The following AVEN variants were observed in gnomAD, a reference collection of about 807,000 sequenced individuals.
AVEN encodes apoptosis and caspase activation inhibitor.
Under a neutral mutation model 38.1 loss-of-function variants are expected in AVEN, and 41 were observed. The observed-to-expected ratio is 1.08, with a 90% CI of 0.84 to 1.40. The LOEUF (loss-of-function observed/expected upper bound fraction) is 1.40, where lower values mean the gene tolerates loss of function less well. Ranked by LOEUF, AVEN falls within the 40% of genes most tolerant of loss-of-function variation. The pLI, the probability that AVEN is intolerant of heterozygous loss-of-function variation, is 0.00. For synonymous variants in AVEN, 206 were observed against 171.8 expected (o/e 1.20, Z -1.56); for missense variants, 605 against 438.8 (o/e 1.38, Z -3.38).
At chr15:33,903,063 C>T (rs965651523) in intron 2 of AVEN, among the ~76,000 whole-genome samples, 1 of 152,198 alleles carries the variant, frequency 6.6e-6, no homozygotes, top group Non-Finnish European at 1.5e-5. Flanking sequence ...CTCCTACTAT[C>T]AAAGCAGAAA....
chr15:33,994,294 C>T (rs1449076775), intron 2 of AVEN, among the ~76,000 whole-genome samples: 1 of 152,182 alleles, frequency 6.6e-6, no homozygotes, highest in African/African-American at 2.4e-5. Context: ...CCAGGTTGCA[C>T]GCTCCTTATG....
chr15:33,959,320 G>A (rs1373819255), intron 2 of AVEN, among the ~76,000 whole-genome samples: 2 of 152,100 alleles, frequency 1.3e-5, no homozygotes, highest in East Asian at 3.9e-4. Flanking sequence ...GGACCTGAAT[G>A]TGCAGCAGTT....
intron 1 of AVEN, among the ~76,000 whole-genome samples, chr15:34,013,825 G>C (rs764983748): frequency 1.3e-4 from 20 of 152,296 alleles, no homozygotes; most frequent in Non-Finnish European, 2.5e-4. Context: ...GCTGAGGGAA[G>C]AGTATGTACG....
chr15:33,864,475 A>G (rs1889739044), downstream of AVEN, among the ~76,000 whole-genome samples: 1 of 152,192 alleles, frequency 6.6e-6, no homozygotes, highest in African/African-American at 2.4e-5. Context: ...GTCTGACAAT[A>G]AGAAATGGAG....
At chr15:33,997,881 T>C (rs1019233816) in intron 2 of AVEN, among the ~76,000 whole-genome samples, 4 of 152,142 alleles carry the variant, frequency 2.6e-5, no homozygotes, top group Admixed American at 1.3e-4. Context: ...GTATACCTGT[T>C]CTCACCTTAA....
At chr15:33,871,249 ACAGGG>A (rs1890935597) in intron 3 of AVEN, among the ~76,000 whole-genome samples, 1 of 152,120 alleles carries the variant, frequency 6.6e-6, no homozygotes, top group Admixed American at 6.5e-5. Context: ...CAGAGCAACA[ACAGGG>A]CAATGATCAT....
At chr15:33,940,433 C>A (rs556452592) in intron 2 of AVEN, among the ~76,000 whole-genome samples, 2 of 152,302 alleles carry the variant, frequency 1.3e-5, no homozygotes, top group South Asian at 4.1e-4. Flanking sequence ...GCCAGCTCAT[C>A]CCCAGTACTG....
At chr15:33,865,082 G>C, downstream of AVEN, 2 of 1,477,590 alleles carry the variant, frequency 1.4e-6, no homozygotes, top group East Asian at 2.3e-5. Flanking sequence ...CTGGGTTTTA[G>C]CTTTTACTGT....
At chr15:33,985,560 T>C (rs1852126694) in intron 2 of AVEN, among the ~76,000 whole-genome samples, 1 of 151,958 alleles carries the variant, frequency 6.6e-6, no homozygotes, top group African/African-American at 2.4e-5. Context: ...GTCAGAGCCT[T>C]GCATTCTTGA....
intron 2 of AVEN, among the ~76,000 whole-genome samples, chr15:33,928,048 A>G (rs1893695413): frequency 6.6e-6 from 1 of 152,220 alleles, no homozygotes; most frequent in African/African-American, 2.4e-5. Flanking sequence ...TTTGGAATGT[A>G]TAAAGAAGCT....
chr15:33,989,558 G>A (rs1896629035), intron 2 of AVEN, among the ~76,000 whole-genome samples: 2 of 151,818 alleles, frequency 1.3e-5, no homozygotes, highest in Admixed American at 1.3e-4. Flanking sequence ...CTACACTTCA[G>A]GCACACTACT....
intron 1 of AVEN, among the ~76,000 whole-genome samples, chr15:34,070,889 G>C (rs187900030): frequency 6.6e-6 from 1 of 152,248 alleles, no homozygotes; most frequent in East Asian, 1.9e-4. Context: ...GGATGGACGG[G>C]AGTTAAAACC....
intron 2 of AVEN, among the ~76,000 whole-genome samples, chr15:33,907,046 C>T (rs977632457): frequency 2.6e-5 from 4 of 152,088 alleles, no homozygotes; most frequent in African/African-American, 4.8e-5. Flanking sequence ...TTCTACCTGA[C>T]GGCCCACAGC....
intron 1 of AVEN, among the ~76,000 whole-genome samples, chr15:34,008,453 C>A (rs1282747221): frequency 6.7e-6 from 1 of 149,312 alleles, no homozygotes; most frequent in African/African-American, 2.5e-5. Context: ...AAAAATAATG[C>A]CTGAAAACTT....
At chr15:33,871,523 G>T (rs1050227600) in intron 3 of AVEN, among the ~76,000 whole-genome samples, 1 of 151,708 alleles carries the variant, frequency 6.6e-6, no homozygotes, top group Non-Finnish European at 1.5e-5. Context: ...AGCCGAGATC[G>T]CAACACTGCA....
downstream of AVEN, among the ~76,000 whole-genome samples, chr15:33,862,930 TTTTAAAAAGATAAC>T (rs1469784836): frequency 6.6e-6 from 1 of 152,052 alleles, no homozygotes; most frequent in Non-Finnish European, 1.5e-5. Context: ...AAAACTTGAG[TTTTAAAAAGATAAC>T]TTTACTGTGC....
Position 33,919,184 on chromosome 15 carries a change from T to C in AVEN, c.446-43189A>G, listed in dbSNP as rs143376795. On this transcript the variant is annotated intron_variant, in intron 2 of 5. Coordinates refer to ENST00000306730, the MANE Select transcript of AVEN (RefSeq NM_020371.3). Reference sequence around the variant, plus strand: ...GATCCACCCACCTCGGCCTCCCAAATTGCTGAGATTACAGGTGCTTTTGTG... The same window carrying C: ...GATCCACCCACCTCGGCCTCCCAAACTGCTGAGATTACAGGTGCTTTTGTG... 3.7e-3 allele frequency among the ~76,000 whole-genome samples: 557 copies of C among 152,184 alleles called. 4 individuals are homozygous for C. The highest frequency in any genetic ancestry group is 0.013 in the African/African-American group (535 of 41,524).
At chr15:33,985,053 C>T (rs1266106380) in intron 2 of AVEN, among the ~76,000 whole-genome samples, 1 of 152,124 alleles carries the variant, frequency 6.6e-6, no homozygotes, top group Non-Finnish European at 1.5e-5. Context: ...TCCCACAGCA[C>T]TCTGTACCTG....
intron 2 of AVEN, among the ~76,000 whole-genome samples, chr15:33,947,685 T>C (rs1012010507): frequency 1.3e-5 from 2 of 152,162 alleles, no homozygotes; most frequent in East Asian, 3.8e-4. Context: ...AGTTTTACTA[T>C]TTTTTTATAT....
Sources: gnomAD v4.1 joint callset for allele counts (sites outside exome capture counted in the v4.1 genomes callset) on GRCh38, gnomAD v4.1.1 for gene constraint, MANE v1.5 for transcripts, NCBI Gene and HGNC (gene_info 2026-07-23, HGNC 2026-07-21) for gene names.